WNT3: variants seen among roughly 807,000 people sequenced by gnomAD.
WNT3 encodes Wnt family member 3, also known as proto-oncogene Wnt-3.
In WNT3, 7 loss-of-function variants were observed where a neutral mutation model predicts 34.2. The observed-to-expected ratio is 0.20, with a 90% CI of 0.12 to 0.38. WNT3 has a LOEUF of 0.38. Among genes scored for constraint, WNT3 ranks in the 10% least tolerant of loss-of-function variants. The pLI is 1.00. For missense variants in WNT3, 267 were observed against 499.8 expected, an observed-to-expected ratio of 0.53 and a Z score of 4.44; for synonymous variants, 212 against 211.5, an observed-to-expected ratio of 1.00 and a Z score of -0.02.
At chr17:46,804,915 G>GCCCACCCCC (rs2084173817) in intron 1 of WNT3, among the ~76,000 whole-genome samples, 1 of 65,570 alleles carries the variant, frequency 1.5e-5, no homozygotes, top group Non-Finnish European at 3.2e-5. Context: ...CTGCCTCCCC[G>GCCCACCCCC]CCCACCCCCC....
chr17:46,794,614 A>G (rs1374635871), intron 1 of WNT3, among the ~76,000 whole-genome samples: 2 of 151,998 alleles, frequency 1.3e-5, no homozygotes, highest in African/African-American at 4.8e-5. Flanking sequence ...ACCTTAACCC[A>G]TTCTCACACC....
chr17:46,801,303 C>A (rs574064961), intron 1 of WNT3, among the ~76,000 whole-genome samples: 1 of 152,264 alleles, frequency 6.6e-6, no homozygotes, highest in East Asian at 1.9e-4. Flanking sequence ...GCTGCTGCTG[C>A]ACTCCTAATT....
At chr17:46,779,359 G>T (rs751570437) in intron 1 of WNT3, among the ~76,000 whole-genome samples, 7 of 152,190 alleles carry the variant, frequency 4.6e-5, no homozygotes, top group Admixed American at 2.6e-4. Flanking sequence ...CAGCTGGTGA[G>T]GGGGAGGGCG....
chr17:46,771,293 T>C (rs1352623008), intron 2 of WNT3, among the ~76,000 whole-genome samples: 1 of 152,074 alleles, frequency 6.6e-6, no homozygotes, highest in East Asian at 1.9e-4. Context: ...CGTCCAGTTG[T>C]GCTCCCGGCC....
chr17:46,816,934 C>A (rs890001111), intron 1 of WNT3, among the ~76,000 whole-genome samples: 7 of 152,218 alleles, frequency 4.6e-5, no homozygotes, highest in African/African-American at 1.7e-4. Context: ...CCAGACTGGC[C>A]GAACCTCCTT....
intron 1 of WNT3, among the ~76,000 whole-genome samples, chr17:46,806,826 C>T (rs1006920102): frequency 1.3e-5 from 2 of 152,270 alleles, no homozygotes; most frequent in African/African-American, 2.4e-5. Flanking sequence ...CTGGCCGCCG[C>T]TCCCCTCTGC....
At chr17:46,807,121 G>A (rs889893589) in intron 1 of WNT3, among the ~76,000 whole-genome samples, 4 of 152,076 alleles carry the variant, frequency 2.6e-5, no homozygotes, top group East Asian at 1.9e-4. Context: ...AGATCATGGA[G>A]GAAAAAAAAG....
Position 46,773,653 on chromosome 17 carries a change from GC to G in WNT3, c.322+14del, listed in dbSNP as rs2059392861. The G allele has an allele frequency of 5.2e-6, 3 of 573,266 alleles. No individual in the cohort carries two copies. The East Asian group carries it at 2.3e-4, about 44-fold the overall frequency. The allele number at this position is 573,266 out of a possible 1,614,324, so 35.5% of individuals were successfully genotyped here. On this transcript the variant is annotated intron_variant, in intron 2 of 4. Coordinates refer to ENST00000225512, the MANE Select transcript of WNT3 (RefSeq NM_030753.5). ...CCACCCAGCCCCTCCCCCCCCCTCA[GC>G]CCCAAGGCAGTACCTTTGTCGAGGA...
intron 1 of WNT3, among the ~76,000 whole-genome samples, chr17:46,786,523 G>C (rs552955643): frequency 1.3e-5 from 2 of 152,374 alleles, no homozygotes; most frequent in East Asian, 3.9e-4. Context: ...AAGCCCACAG[G>C]TGGGCAAGTG....
chr17:46,818,592 C>A lies in WNT3; in HGVS notation c.6G>T (p.Glu2Asp). ...CGAGGAGCAGCCCGAGCAGGTGGGGCTCCATTAGAAGAGGCGCCGAGGAGG... is the reference window on the plus strand; with the variant it reads ...CGAGGAGCAGCCCGAGCAGGTGGGGATCCATTAGAAGAGGCGCCGAGGAGG... M[E>D]PHLLGLLLGL... Residue 2 changes from glutamate (E) to aspartate (D), a missense_variant, in exon 1 of 5, where the codon GAG (glutamate) becomes GAT (aspartate). Coordinates refer to ENST00000225512, the MANE Select transcript of WNT3 (RefSeq NM_030753.5). The A allele has an allele frequency of 6.3e-7, 1 of 1,599,552 alleles. No individual in the cohort carries two copies. Among genetic ancestry groups the A allele is most frequent in the Non-Finnish European group, 8.5e-7 (1 of 1,173,684 alleles).
intron 1 of WNT3, among the ~76,000 whole-genome samples, chr17:46,809,500 C>T (rs562571622): frequency 1.3e-5 from 2 of 152,186 alleles, no homozygotes; most frequent in South Asian, 4.1e-4. Flanking sequence ...ACTCAGTCCT[C>T]GCAGTTTTTC....
chr17:46,780,977 C>G (rs1294121771), intron 1 of WNT3, among the ~76,000 whole-genome samples: 1 of 151,976 alleles, frequency 6.6e-6, no homozygotes, highest in African/African-American at 2.4e-5. Flanking sequence ...GGCGGTAATG[C>G]CAGCATTTTG....
chr17:46,817,358 C>A (rs988489612), intron 1 of WNT3, among the ~76,000 whole-genome samples: 2 of 152,240 alleles, frequency 1.3e-5, no homozygotes, highest in African/African-American at 4.8e-5. Context: ...ATCCCAAATT[C>A]TTCCTCCTCA....
At chr17:46,816,785 C>T (rs2084356156) in intron 1 of WNT3, among the ~76,000 whole-genome samples, 1 of 152,186 alleles carries the variant, frequency 6.6e-6, no homozygotes, top group Non-Finnish European at 1.5e-5. Flanking sequence ...GGCCGCCAAA[C>T]CTTTCCTTCC....
intron 1 of WNT3, among the ~76,000 whole-genome samples, chr17:46,803,790 C>G (rs778794921): frequency 6.6e-6 from 1 of 152,214 alleles, no homozygotes; most frequent in Admixed American, 6.5e-5. Context: ...GTGGCCTGCC[C>G]TGGCAGAATG....
intron 1 of WNT3, among the ~76,000 whole-genome samples, chr17:46,782,344 A>G (rs2059468506): frequency 6.6e-6 from 1 of 152,024 alleles, no homozygotes; most frequent in Non-Finnish European, 1.5e-5. Context: ...TCCTGTGGTC[A>G]TTTTTCTCTC....
chr17:46,774,145 A>C (rs1411442359), intron 1 of WNT3, among the ~76,000 whole-genome samples: 1 of 152,258 alleles, frequency 6.6e-6, no homozygotes, highest in Non-Finnish European at 1.5e-5. Context: ...GGGACCGCAG[A>C]AGCCGCTTGT....
At chr17:46,764,834 G>A (rs935916833) in intron 4 of WNT3, among the ~76,000 whole-genome samples, 4 of 152,106 alleles carry the variant, frequency 2.6e-5, no homozygotes, top group African/African-American at 7.2e-5. Flanking sequence ...TAAGGCTTTC[G>A]AGTCCACAGA....
chr17:46,816,793 T>TCCTA (rs1477277555), intron 1 of WNT3, among the ~76,000 whole-genome samples: 1 of 152,048 alleles, frequency 6.6e-6, no homozygotes. Flanking sequence ...AACCTTTCCT[T>TCCTA]CCTACCCTCC....
Sources: gnomAD v4.1 joint callset for allele counts (sites outside exome capture counted in the v4.1 genomes callset) on GRCh38, gnomAD v4.1.1 for gene constraint, MANE v1.5 for transcripts, NCBI Gene and HGNC (gene_info 2026-07-23, HGNC 2026-07-21) for gene names.